FSTL5: variants seen among roughly 807,000 people sequenced by gnomAD.
FSTL5 encodes follistatin-related protein 5.
Under a neutral mutation model 89.1 loss-of-function variants are expected in FSTL5, and 62 were observed. The ratio of observed to expected loss-of-function variants is 0.70; its 90% CI spans 0.57 to 0.86. FSTL5 has a LOEUF of 0.86. FSTL5 is among the 40% of genes least tolerant of loss of function. The pLI is 0.00. For missense variants in FSTL5, 1,057 were observed against 1,001.6 expected, an observed-to-expected ratio of 1.06 and a Z score of -0.75; for synonymous variants, 383 against 346.2, an observed-to-expected ratio of 1.11 and a Z score of -1.18.
intron 2 of FSTL5, among the ~76,000 whole-genome samples, chr4:162,035,638 T>G (rs1737708130): frequency 6.6e-6 from 1 of 152,052 alleles, no homozygotes; most frequent in South Asian, 2.1e-4. Flanking sequence ...TACTCTGACA[T>G]AGCTGAGAAT....
rs180671759 is a variant in FSTL5 at position 162,051,614 on chromosome 4, A to T, written c.127-17956T>A. ...CATAAAGACAGCTTCATAAAAAACA[A>T]TTGGAGAAATTATACATATAATTTT... On this transcript the variant is annotated intron_variant, in intron 2 of 15. Transcript: ENST00000306100. Among the ~76,000 whole-genome samples, 350 of 151,694 alleles carry T rather than the reference A, an allele frequency of 2.3e-3. 2 individuals are homozygous for T. The highest frequency in any genetic ancestry group is 7.6e-3 in the African/African-American group (317 of 41,522).
chr4:162,084,201 T>A (rs1417144395), intron 2 of FSTL5, among the ~76,000 whole-genome samples: 1 of 151,990 alleles, frequency 6.6e-6, no homozygotes, highest in Non-Finnish European at 1.5e-5. Flanking sequence ...TAGAGCTGAT[T>A]GTTAGCTGAT....
intron 3 of FSTL5, among the ~76,000 whole-genome samples, chr4:161,957,493 A>T (rs1281417364): frequency 6.6e-6 from 1 of 152,058 alleles, no homozygotes; most frequent in African/African-American, 2.4e-5. Context: ...ATAGAATGTC[A>T]GAAATCAGGG....
intron 6 of FSTL5, among the ~76,000 whole-genome samples, chr4:161,675,486 C>A (rs1178674263): frequency 6.6e-6 from 1 of 151,246 alleles, no homozygotes; most frequent in Non-Finnish European, 1.5e-5. Flanking sequence ...ACCTGAGAAC[C>A]TACTGAGTTC....
At chr4:161,425,727 A>G (rs960829971) in intron 15 of FSTL5, among the ~76,000 whole-genome samples, 1 of 152,128 alleles carries the variant, frequency 6.6e-6, no homozygotes, top group African/African-American at 2.4e-5. Context: ...TTTGGAGATG[A>G]TCTGGTTCAA....
At chr4:161,567,956 T>C (rs935755655) in intron 8 of FSTL5, among the ~76,000 whole-genome samples, 7 of 152,026 alleles carry the variant, frequency 4.6e-5, no homozygotes, top group Non-Finnish European at 8.8e-5. Context: ...TTTAGAAAGA[T>C]TGAGCACATG....
intron 10 of FSTL5, among the ~76,000 whole-genome samples, chr4:161,528,110 A>C (rs1367290718): frequency 1.5e-5 from 2 of 129,074 alleles, no homozygotes; most frequent in Non-Finnish European, 3.2e-5. Flanking sequence ...ACACATGGAC[A>C]CAGGAAGGGG....
intron 15 of FSTL5, among the ~76,000 whole-genome samples, chr4:161,423,924 A>G (rs189267860): frequency 1.3e-5 from 2 of 151,406 alleles, no homozygotes; most frequent in Non-Finnish European, 2.9e-5. Flanking sequence ...CAGTGGCGCA[A>G]TCTGGGCTCA....
chr4:161,804,535 G>T (rs1333268273), intron 4 of FSTL5, among the ~76,000 whole-genome samples: 1 of 151,566 alleles, frequency 6.6e-6, no homozygotes, highest in African/African-American at 2.4e-5. Flanking sequence ...TACAACCACT[G>T]TTTTTTCAAA....
chr4:161,570,456 A>G (rs995206249), intron 8 of FSTL5, among the ~76,000 whole-genome samples: 3 of 152,194 alleles, frequency 2.0e-5, no homozygotes, highest in Non-Finnish European at 4.4e-5. Context: ...GAAATAGGGT[A>G]GGAAGATACC....
At chr4:161,735,039 C>T (rs1739762735) in intron 6 of FSTL5, among the ~76,000 whole-genome samples, 1 of 152,180 alleles carries the variant, frequency 6.6e-6, no homozygotes, top group African/African-American at 2.4e-5. Flanking sequence ...TGGCCCCCCA[C>T]TTTCCAATGC....
At chr4:161,989,520 A>T (rs1736053508) in intron 3 of FSTL5, among the ~76,000 whole-genome samples, 1 of 151,434 alleles carries the variant, frequency 6.6e-6, no homozygotes, top group African/African-American at 2.4e-5. Context: ...ACTTAAATAA[A>T]AAGATGACTA....
chr4:162,096,992 T>A (rs1382512687), intron 2 of FSTL5, among the ~76,000 whole-genome samples: 1 of 151,918 alleles, frequency 6.6e-6, no homozygotes, highest in East Asian at 1.9e-4. Flanking sequence ...AGTTTGTTTT[T>A]AAGACTTGTT....
chr4:162,060,499 A>C (rs548999559), intron 2 of FSTL5, among the ~76,000 whole-genome samples: 1 of 152,186 alleles, frequency 6.6e-6, no homozygotes, highest in African/African-American at 2.4e-5. Context: ...ACATTTTTAA[A>C]AAACTATTAT....
At chr4:161,963,360 T>C (rs1735234266) in intron 3 of FSTL5, among the ~76,000 whole-genome samples, 1 of 151,956 alleles carries the variant, frequency 6.6e-6, no homozygotes, top group South Asian at 2.1e-4. Context: ...GTTTTAAAAA[T>C]ATAAATCAAA....
chr4:161,880,882 G>T (rs575409495), intron 4 of FSTL5, among the ~76,000 whole-genome samples: 1 of 152,224 alleles, frequency 6.6e-6, no homozygotes, highest in Admixed American at 6.5e-5. Context: ...TTGCCATGAG[G>T]CAGGAATAAA....
At chr4:161,661,208 A>G (rs1315595630) in intron 6 of FSTL5, among the ~76,000 whole-genome samples, 1 of 152,200 alleles carries the variant, frequency 6.6e-6, no homozygotes, top group African/African-American at 2.4e-5. Flanking sequence ...AAGAAGAGCA[A>G]GCTTTTCATA....
chr4:162,129,226 C>A (rs182807497), intron 1 of FSTL5, among the ~76,000 whole-genome samples: 1,553 of 152,292 alleles, frequency 0.01, 14 homozygotes, highest in Middle Eastern at 0.024. Context: ...AACGACGGCG[C>A]CTGGCCGAGA....
chr4:161,490,450 A>T lies in FSTL5; in HGVS notation c.1459-9281T>A, dbSNP rs1317892728. On this transcript the variant is annotated intron_variant, in intron 12 of 15. Transcript: ENST00000306100. Reference sequence around the variant, plus strand: ...TCTCACTCTGCCTACTAACTAAAAAATGTTGACATGGAAGGATAAATCAGG... The same window carrying T: ...TCTCACTCTGCCTACTAACTAAAAATTGTTGACATGGAAGGATAAATCAGG... Among the ~76,000 whole-genome samples, 8 of 152,154 alleles carry T rather than the reference A, an allele frequency of 5.3e-5. No individual in the cohort carries two copies. In the East Asian group the frequency reaches 1.5e-3, roughly 29 times the overall value.
Sources: allele counts gnomAD v4.1 joint callset (sites outside exome capture counted in the v4.1 genomes callset), GRCh38; gene constraint gnomAD v4.1.1; transcripts MANE v1.5; gene names NCBI Gene and HGNC (gene_info 2026-07-23, HGNC 2026-07-21).